Variants in DIAPH2 observed in about 807,000 individuals in gnomAD.
DIAPH2 encodes the protein diaphanous related formin 2.
Under a neutral mutation model 92.7 loss-of-function variants are expected in DIAPH2, and 35 were observed. That is an observed-to-expected ratio of 0.38 (90% CI 0.29 to 0.50). The LOEUF (loss-of-function observed/expected upper bound fraction) is 0.50, where lower values mean the gene tolerates loss of function less well. Ranked by LOEUF, DIAPH2 falls within the 20% of genes least tolerant of loss-of-function variation. DIAPH2 has a pLI of 0.94. For missense variants in DIAPH2, 701 were observed against 819.5 expected (o/e 0.86, Z 1.77); for synonymous variants, 301 against 280.4 (o/e 1.07, Z -0.73).
chrX:97,064,878 A>G (rs1372381572), intron 17 of DIAPH2, among the ~76,000 whole-genome samples: 2 of 111,229 alleles, frequency 1.8e-5, no homozygotes, highest in African/African-American at 3.3e-5. Flanking sequence ...TCAATTTGAG[A>G]TTATGGCTAC....
At chrX:97,353,075 C>G (rs1157266172) in intron 24 of DIAPH2, among the ~76,000 whole-genome samples, 1 of 109,317 alleles carries the variant, frequency 9.1e-6, no homozygotes, top group African/African-American at 3.3e-5. Flanking sequence ...GATGGATACC[C>G]TAAAAGCTCT....
intron 26 of DIAPH2, among the ~76,000 whole-genome samples, chrX:97,453,758 A>C (rs1024674936): frequency 8.9e-6 from 1 of 112,055 alleles, no homozygotes; most frequent in African/African-American, 3.2e-5. Flanking sequence ...TTGGGAACAC[A>C]GATAAGTAAG....
intron 4 of DIAPH2, among the ~76,000 whole-genome samples, chrX:96,786,118 G>A (rs2064455283): frequency 8.9e-6 from 1 of 111,864 alleles, no homozygotes; most frequent in Admixed American, 9.5e-5. Context: ...AACCAAGGGA[G>A]GTAATCCAAA....
intron 1 of DIAPH2, among the ~76,000 whole-genome samples, chrX:96,709,984 A>T (rs2063908578): frequency 8.9e-6 from 1 of 112,198 alleles, no homozygotes; most frequent in Non-Finnish European, 1.9e-5. Context: ...GTAGGGAATG[A>T]TTTCAGTATA....
At chrX:97,119,301 C>T (rs1010351032) in intron 21 of DIAPH2, among the ~76,000 whole-genome samples, 2 of 111,145 alleles carry the variant, frequency 1.8e-5, no homozygotes, top group South Asian at 3.9e-4. Flanking sequence ...TCCTGAGAGC[C>T]GAGCTGCAGG....
chrX:97,452,332 T>G (rs1380251204), intron 26 of DIAPH2, among the ~76,000 whole-genome samples: 1 of 111,583 alleles, frequency 9.0e-6, no homozygotes, highest in Non-Finnish European at 1.9e-5. Flanking sequence ...CATAGCTCTA[T>G]TAGAGGCAGA....
intron 17 of DIAPH2, among the ~76,000 whole-genome samples, chrX:97,036,844 A>G (rs887819685): frequency 9.0e-6 from 1 of 111,725 alleles, no homozygotes; most frequent in Non-Finnish European, 1.9e-5. Flanking sequence ...AACTTCAGGG[A>G]GGTGCAATAG....
chrX:97,330,246 A>C (rs2068989161), intron 23 of DIAPH2, among the ~76,000 whole-genome samples: 2 of 109,234 alleles, frequency 1.8e-5, no homozygotes, highest in African/African-American at 6.7e-5. Flanking sequence ...CATTGTTAAT[A>C]ATAAGCACAA....
chrX:96,947,722 C>T (rs1276840079), intron 14 of DIAPH2, among the ~76,000 whole-genome samples: 5 of 111,995 alleles, frequency 4.5e-5, no homozygotes, highest in Non-Finnish European at 9.4e-5. Flanking sequence ...TTGCATTGTT[C>T]CACAAACTCT....
chrX:97,149,397 T>C (rs1439394400), intron 22 of DIAPH2, among the ~76,000 whole-genome samples: 1 of 111,241 alleles, frequency 9.0e-6, no homozygotes, highest in Non-Finnish European at 1.9e-5. Context: ...TTAATAAAAA[T>C]GTTAACTTGT....
chrX:97,294,407 C>T (rs1393786782), intron 23 of DIAPH2, among the ~76,000 whole-genome samples: 1 of 112,304 alleles, frequency 8.9e-6, no homozygotes, highest in South Asian at 3.7e-4. Flanking sequence ...TGACTTACAT[C>T]TGTATTGAAT....
chrX:97,592,736 A>G (rs1459504064), intron 26 of DIAPH2, among the ~76,000 whole-genome samples: 1 of 112,066 alleles, frequency 8.9e-6, no homozygotes, highest in Non-Finnish European at 1.9e-5. Flanking sequence ...TTGGGGGTCT[A>G]TTTTGTTATC....
chrX:96,894,974 ATTTTTTTTTT>A (rs766131166), intron 5 of DIAPH2, among the ~76,000 whole-genome samples: 12 of 59,531 alleles, frequency 2.0e-4, no homozygotes, highest in African/African-American at 7.3e-4. Context: ...GTTTTTCTTA[ATTTTTTTTTT>A]TTTTTTTTTT....
rs147454674 is a variant in DIAPH2 at position 97,012,137 on chromosome X, T to G, written c.2050+46930T>G. Reference sequence around the variant, plus strand: ...TGTAGGTTAAGATTCTACAGGAACATAGGGAGATAGTATTTCTCAATTTGT... The same window carrying G: ...TGTAGGTTAAGATTCTACAGGAACAGAGGGAGATAGTATTTCTCAATTTGT... On this transcript the variant is annotated intron_variant, in intron 17 of 26. Coordinates refer to ENST00000324765, the MANE Select transcript of DIAPH2 (RefSeq NM_006729.5). Among the ~76,000 whole-genome samples the G allele has an allele frequency of 6.1e-3, 676 of 110,851 alleles. 5 individuals are homozygous for G. Among genetic ancestry groups the G allele is most frequent in the African/African-American group, 0.021 (649 of 30,423 alleles).
rs745971797 is a variant in DIAPH2 at position 97,476,879 on chromosome X, G to T, written c.3241+47134G>T. ...GAATCGCTTGAAGCCGGGAGGTGGA[G>T]GTTGTGGTGAGCCGAGATTGCGCCA... On this transcript the variant is annotated intron_variant, in intron 26 of 26. Coordinates refer to ENST00000324765, the MANE Select transcript of DIAPH2 (RefSeq NM_006729.5). 6.1e-5 allele frequency among the ~76,000 whole-genome samples: 6 copies of T among 97,835 alleles called. No homozygotes were observed. In the East Asian group the frequency reaches 1.6e-3, roughly 26 times the overall value. The allele number at this position is 97,835 out of a possible 115,157, so 85.0% of individuals were successfully genotyped here.
intron 17 of DIAPH2, among the ~76,000 whole-genome samples, chrX:96,968,410 GT>G (rs2147828621): frequency 9.2e-6 from 1 of 109,213 alleles, no homozygotes; most frequent in East Asian, 2.9e-4. Context: ...GTAGAGACGA[GT>G]TTTCACCATG....
chrX:97,588,354 T>C (rs1422427617), intron 26 of DIAPH2, among the ~76,000 whole-genome samples: 1 of 111,902 alleles, frequency 8.9e-6, no homozygotes, highest in African/African-American at 3.3e-5. Flanking sequence ...TAATGCTTAG[T>C]GCTAAGACTT....
At chrX:97,129,207 C>G (rs1470213284) in intron 21 of DIAPH2, among the ~76,000 whole-genome samples, 1 of 96,757 alleles carries the variant, frequency 1.0e-5, no homozygotes, top group Non-Finnish European at 2.0e-5. Context: ...TGCTCTGTCA[C>G]CCAGGCTAGA....
chrX:96,688,916 A>T (rs2063784999), intron 1 of DIAPH2, among the ~76,000 whole-genome samples: 1 of 109,921 alleles, frequency 9.1e-6, no homozygotes, highest in Non-Finnish European at 1.9e-5. Context: ...ATACCACTGT[A>T]TTACAGCCTT....
Sources: allele counts gnomAD v4.1 joint callset (sites outside exome capture counted in the v4.1 genomes callset), GRCh38; gene constraint gnomAD v4.1.1; transcripts MANE v1.5; gene names NCBI Gene and HGNC (gene_info 2026-07-23, HGNC 2026-07-21).